The following ERBIN variants were observed in gnomAD, a reference collection of about 807,000 sequenced individuals.
The protein encoded by ERBIN is densin-180-like protein.
In ERBIN, 60 loss-of-function variants were observed where a neutral mutation model predicts 158.4. That is an observed-to-expected ratio of 0.38 (90% confidence interval 0.31 to 0.47). The LOEUF is 0.47. ERBIN is among the 20% of genes least tolerant of loss of function. The pLI, the probability that ERBIN is intolerant of heterozygous loss-of-function variation, is 0.99. For missense variants in ERBIN, 1,610 were observed against 1,648.0 expected (o/e 0.98, Z 0.40); for synonymous variants, 594 against 557.2 (o/e 1.07, Z -0.93).
At chr5:66,014,904 T>C (rs1044010994) in intron 7 of ERBIN, among the ~76,000 whole-genome samples, 179 bp downstream of exon 7, 1 of 152,208 alleles carries the variant, frequency 6.6e-6, no homozygotes, top group Admixed American at 6.5e-5. Context: ...CTGTTGTTGG[T>C]GCTTAACGTG....
chr5:66,003,196 G>A (rs1264976012), intron 4 of ERBIN, among the ~76,000 whole-genome samples: 1 of 152,166 alleles, frequency 6.6e-6, no homozygotes, highest in Non-Finnish European at 1.5e-5. Context: ...AACAGTAAGG[G>A]ACTCCTGTTG....
intron 23 of ERBIN, 25 bp downstream of exon 23, chr5:66,075,255 A>C (rs756354580): frequency 6.4e-7 from 1 of 1,563,238 alleles, no homozygotes; most frequent in Non-Finnish European, 8.8e-7. Flanking sequence ...GACTATTTGA[A>C]ATATGGGACT....
intron 1 of ERBIN, among the ~76,000 whole-genome samples, chr5:65,936,763 AT>A (rs1744131737): frequency 6.6e-6 from 1 of 152,214 alleles, no homozygotes; most frequent in Admixed American, 6.5e-5. Flanking sequence ...TGCTGTAAAA[AT>A]TCAAACATAG....
At chr5:66,020,486 C>T (rs889472454) in intron 7 of ERBIN, among the ~76,000 whole-genome samples, 13 of 151,886 alleles carry the variant, frequency 8.6e-5, no homozygotes, top group African/African-American at 3.1e-4. Context: ...CTCATTTTGT[C>T]ATATCCTACA....
intron 13 of ERBIN, 138 bp from the exon 14 acceptor site, chr5:66,028,136 A>G: frequency 3.8e-6 from 2 of 530,600 alleles, no homozygotes. Context: ...ATTATATTGG[A>G]CTTTTCTCGA....
intron 1 of ERBIN, among the ~76,000 whole-genome samples, chr5:65,940,236 G>GT (rs1460005355): frequency 2.0e-5 from 3 of 150,852 alleles, no homozygotes; most frequent in African/African-American, 7.3e-5. Flanking sequence ...CTACCCGGCC[G>GT]TGACCCCGTC....
At chr5:65,958,148 G>T (rs1747457847) in intron 1 of ERBIN, among the ~76,000 whole-genome samples, 1 of 151,708 alleles carries the variant, frequency 6.6e-6, no homozygotes, top group South Asian at 2.1e-4. Context: ...GGGCAGCCGG[G>T]CAGAGGGGCT....
intron 14 of ERBIN, among the ~76,000 whole-genome samples, chr5:66,038,088 G>A (rs910891357): frequency 6.6e-6 from 1 of 152,142 alleles, no homozygotes; most frequent in Admixed American, 6.6e-5. Context: ...GTGTTAATAA[G>A]TAACGGACTA....
chr5:65,958,591 G>T (rs560771393), intron 1 of ERBIN, among the ~76,000 whole-genome samples: 17 of 150,386 alleles, frequency 1.1e-4, no homozygotes, highest in Non-Finnish European at 1.9e-4. Context: ...GCTTCGGCTG[G>T]GCATCAGAGG....
intron 10 of ERBIN, 21 bp from the exon 11 acceptor site, chr5:66,025,459 T>C: frequency 1.9e-6 from 3 of 1,579,956 alleles, no homozygotes; most frequent in Non-Finnish European, 2.6e-6. Flanking sequence ...AAAAATTGTA[T>C]GTTGTTTCTT....
intron 1 of ERBIN, among the ~76,000 whole-genome samples, chr5:65,934,652 A>C (rs1743863075): frequency 6.6e-6 from 1 of 152,086 alleles, no homozygotes; most frequent in African/African-American, 2.4e-5. Context: ...TATGGTATTC[A>C]CTTTATGTGA....
At chr5:66,048,633 T>C (rs1197273020) in intron 18 of ERBIN, 34 bp from the exon 19 acceptor site, 9 of 1,269,374 alleles carry the variant, frequency 7.1e-6, no homozygotes, top group Non-Finnish European at 1.0e-5. Flanking sequence ...AAACAAAAAT[T>C]TAATTTTTAT....
Position 66,076,490 on chromosome 5 carries a change from T to TG in ERBIN, c.4056+82_4056+83insG, listed in dbSNP as rs901514376. The TG allele has an allele frequency of 1.1e-5, 12 of 1,062,368 alleles. No individual in the cohort carries two copies. The African/African-American group carries it at 1.9e-4, about 17-fold the overall frequency. The allele number at this position is 1,062,368 out of a possible 1,614,324, so 65.8% of individuals were successfully genotyped here. A position where few individuals can be genotyped will look rare whatever the true frequency, so the allele number is the denominator to read the frequency against. ...TACTTAAATGTAAGTGAAAATCTAA[T>TG]AGATGTTTATGTAAATCTAGGTAGA... is the stretch of plus-strand genomic sequence containing the variant. On this transcript the variant is annotated intron_variant, in intron 24 of 25. Coordinates refer to ENST00000284037, the MANE Select transcript of ERBIN (RefSeq NM_001253697.2).
chr5:66,071,158 A>G (rs1017636381), intron 21 of ERBIN, among the ~76,000 whole-genome samples: 1 of 152,170 alleles, frequency 6.6e-6, no homozygotes, highest in African/African-American at 2.4e-5. Flanking sequence ...ATTTGACACC[A>G]GCCAGGGCAA....
chr5:65,989,630 A>T (rs1317094753), intron 2 of ERBIN, among the ~76,000 whole-genome samples: 1 of 152,206 alleles, frequency 6.6e-6, no homozygotes, highest in Non-Finnish European at 1.5e-5. Context: ...CAATTACTTG[A>T]CCCTATAAAT....
rs1164894372 is a variant in ERBIN, at chr5:65,944,270, A to G, written c.-58+17464A>G. Among the ~76,000 whole-genome samples, 6 of 138,340 alleles carry G rather than the reference A, an allele frequency of 4.3e-5. No homozygotes were observed. In the East Asian group the frequency reaches 1.3e-3, roughly 29 times the overall value. 90.8% of individuals were successfully genotyped at this position (138,340 alleles called of 152,430 possible). ...TTCCACAGTGGCTCTACCACTGTAT[A>G]TTTCCACCGAAAGTATACAAGAGTT... On this transcript the variant is annotated intron_variant, in intron 1 of 25. Coordinates refer to ENST00000284037, the MANE Select transcript of ERBIN (RefSeq NM_001253697.2).
intron 7 of ERBIN, among the ~76,000 whole-genome samples, chr5:66,018,079 T>C (rs1754985526): frequency 6.6e-6 from 1 of 152,054 alleles, no homozygotes; most frequent in South Asian, 2.1e-4. Context: ...TACTATGGCT[T>C]TGTAGTACAA....
intron 1 of ERBIN, among the ~76,000 whole-genome samples, chr5:65,932,065 G>A (rs1268402108): frequency 1.3e-5 from 2 of 151,964 alleles, no homozygotes; most frequent in Non-Finnish European, 2.9e-5. Flanking sequence ...TGATCTGCCC[G>A]CCTCGGCCTC....
At chr5:66,055,426 G>A (rs923642415) in intron 21 of ERBIN, among the ~76,000 whole-genome samples, 2 of 152,096 alleles carry the variant, frequency 1.3e-5, no homozygotes, top group African/African-American at 2.4e-5. Flanking sequence ...ATGGCTTCTG[G>A]CATGGCATTT....
Sources: gnomAD v4.1 joint callset for allele counts (sites outside exome capture counted in the v4.1 genomes callset) on GRCh38, gnomAD v4.1.1 for gene constraint, MANE v1.5 for transcripts, NCBI Gene and HGNC (gene_info 2026-07-23, HGNC 2026-07-21) for gene names.